The following ZNF521 variants were observed in gnomAD, a reference collection of about 807,000 sequenced individuals.
ZNF521 encodes LYST-interacting protein 3.
In ZNF521, 14 loss-of-function variants were observed where a neutral mutation model predicts 105.5. The ratio of observed to expected loss-of-function variants is 0.13; its 90% CI spans 0.09 to 0.21. ZNF521 has a LOEUF of 0.21. ZNF521 is among the 10% of genes least tolerant of loss of function. The pLI, the probability that ZNF521 is intolerant of heterozygous loss-of-function variation, is 1.00. For missense variants in ZNF521, 1,233 were observed against 1,629.7 expected (o/e 0.76, Z 4.19); for synonymous variants, 635 against 606.0 (o/e 1.05, Z -0.70).
chr18:25,204,542 T>C (rs2036046098), intron 4 of ZNF521, among the ~76,000 whole-genome samples: 1 of 152,174 alleles, frequency 6.6e-6, no homozygotes, highest in Admixed American at 6.5e-5. Context: ...TAAAGAGTCA[T>C]TTTATTTCTA....
chr18:25,332,212 G>A (rs1913613714), intron 2 of ZNF521, among the ~76,000 whole-genome samples: 1 of 151,632 alleles, frequency 6.6e-6, no homozygotes, highest in Non-Finnish European at 1.5e-5. Flanking sequence ...TGTAAGAAAT[G>A]ATCCCACTTA....
rs1910125015 is a variant in ZNF521, at chr18:25,277,700, C to T, written c.220+44308G>A. Among the ~76,000 whole-genome samples the T allele has an allele frequency of 2.6e-5, 4 of 152,130 alleles. No homozygotes were observed. In the South Asian group the frequency reaches 8.3e-4, roughly 32 times the overall value. ...TGGATCAGGTAAGTTAACATCTGCACTATATTTTTATGGGTGAAAAGCACC... is the reference window on the plus strand; with the variant it reads ...TGGATCAGGTAAGTTAACATCTGCATTATATTTTTATGGGTGAAAAGCACC... On this transcript the variant is annotated intron_variant, in intron 3 of 7. Coordinates refer to ENST00000361524, the MANE Select transcript of ZNF521 (RefSeq NM_015461.3).
intron 7 of ZNF521, among the ~76,000 whole-genome samples, chr18:25,078,849 T>C (rs2033425643): frequency 6.6e-6 from 1 of 152,196 alleles, no homozygotes; most frequent in African/African-American, 2.4e-5. Context: ...CATCACCTTC[T>C]GGGCTCCCAG....
chr18:25,307,984 C>T (rs1465309035), intron 3 of ZNF521, among the ~76,000 whole-genome samples: 1 of 151,896 alleles, frequency 6.6e-6, no homozygotes, highest in African/African-American at 2.4e-5. Context: ...GGCGGATCAC[C>T]TGAGGTCAAG....
chr18:25,260,562 A>G (rs1397145339), intron 3 of ZNF521, among the ~76,000 whole-genome samples: 1 of 152,214 alleles, frequency 6.6e-6, no homozygotes, highest in Non-Finnish European at 1.5e-5. Flanking sequence ...AATATGTATT[A>G]TATCTAGCAC....
At chr18:25,271,030 G>A (rs781399362) in intron 3 of ZNF521, among the ~76,000 whole-genome samples, 5 of 152,276 alleles carry the variant, frequency 3.3e-5, no homozygotes, top group East Asian at 3.9e-4. Context: ...AAACCCCATC[G>A]TCTCAGCCCA....
chr18:25,241,873 A>T (rs1351653987), intron 3 of ZNF521, among the ~76,000 whole-genome samples: 1 of 152,110 alleles, frequency 6.6e-6, no homozygotes, highest in South Asian at 2.1e-4. Context: ...CTTTTTTCTT[A>T]TTCTATTCAA....
rs1348290058 is a variant in ZNF521, at chr18:25,273,159, G to A, written c.221-45462C>T. Among the ~76,000 whole-genome samples the A allele has an allele frequency of 2.3e-5, 3 of 131,148 alleles. No homozygotes were observed. In the Admixed American group the frequency reaches 2.7e-4, roughly 12 times the overall value. 86.0% of individuals were successfully genotyped at this position (131,148 alleles called of 152,430 possible). A position where few individuals can be genotyped will look rare whatever the true frequency, so the allele number is the denominator to read the frequency against. On this transcript the variant is annotated intron_variant, in intron 3 of 7. Transcript: ENST00000361524. ...GGAGAATCACTTGAGCCCAGGATACGAAGGTTGCAGTGAGCCGAGATCGCT... is the reference window on the plus strand; with the variant it reads ...GGAGAATCACTTGAGCCCAGGATACAAAGGTTGCAGTGAGCCGAGATCGCT...
intron 3 of ZNF521, among the ~76,000 whole-genome samples, chr18:25,307,008 CTTT>C (rs1311932995): frequency 6.6e-6 from 1 of 152,148 alleles, no homozygotes; most frequent in Non-Finnish European, 1.5e-5. Context: ...AAACCTGCTT[CTTT>C]ATTTTTCCTA....
intron 3 of ZNF521, among the ~76,000 whole-genome samples, chr18:25,272,041 T>C (rs1909695967): frequency 1.3e-5 from 2 of 152,114 alleles, no homozygotes; most frequent in East Asian, 1.9e-4. Context: ...ATCCTGAATC[T>C]ACAAAGAACT....
At chr18:25,317,395 A>G (rs911156689) in intron 3 of ZNF521, among the ~76,000 whole-genome samples, 3 of 152,190 alleles carry the variant, frequency 2.0e-5, no homozygotes, top group Non-Finnish European at 4.4e-5. Flanking sequence ...AGAGCTGAAC[A>G]TAAGAATAAC....
At chr18:25,133,958 G>T (rs2034686192) in intron 5 of ZNF521, among the ~76,000 whole-genome samples, 1 of 152,086 alleles carries the variant, frequency 6.6e-6, no homozygotes, top group Non-Finnish European at 1.5e-5. Context: ...AATTTTAACA[G>T]GAACAGATCC....
At chr18:25,187,800 G>T (rs1196943915) in intron 5 of ZNF521, among the ~76,000 whole-genome samples, 1 of 152,172 alleles carries the variant, frequency 6.6e-6, no homozygotes, top group Admixed American at 6.5e-5. Context: ...AGTAATGGCA[G>T]CTTGAAAATC....
At chr18:25,340,879 A>C (rs1432814071) in intron 2 of ZNF521, among the ~76,000 whole-genome samples, 3 of 152,172 alleles carry the variant, frequency 2.0e-5, no homozygotes, top group Admixed American at 2.0e-4. Flanking sequence ...AAGTATAAAA[A>C]ACAGCTACCT....
At chr18:25,294,122 C>T (rs1911188598) in intron 3 of ZNF521, among the ~76,000 whole-genome samples, 1 of 152,176 alleles carries the variant, frequency 6.6e-6, no homozygotes, top group Non-Finnish European at 1.5e-5. Context: ...CTGGATAATA[C>T]TCTGCAGTGC....
At chr18:25,157,854 T>C (rs1038874795) in intron 5 of ZNF521, among the ~76,000 whole-genome samples, 5 of 152,172 alleles carry the variant, frequency 3.3e-5, no homozygotes, top group African/African-American at 7.2e-5. Context: ...GGGGTTCTAG[T>C]GATTCTCCTG....
chr18:25,209,390 C>A (rs1328430793), intron 4 of ZNF521, among the ~76,000 whole-genome samples: 2 of 152,056 alleles, frequency 1.3e-5, no homozygotes, highest in Non-Finnish European at 2.9e-5. Context: ...GGATTACAGG[C>A]ATGAGCCATG....
At chr18:25,287,500 G>A (rs1194624991) in intron 3 of ZNF521, among the ~76,000 whole-genome samples, 5 of 151,790 alleles carry the variant, frequency 3.3e-5, no homozygotes, top group Admixed American at 1.3e-4. Flanking sequence ...TATTGATCCC[G>A]GTGTGACAAA....
chr18:25,174,264 C>A (rs2035497281), intron 5 of ZNF521, among the ~76,000 whole-genome samples: 2 of 152,152 alleles, frequency 1.3e-5, no homozygotes, highest in African/African-American at 4.8e-5. Context: ...TTTCGAGGAG[C>A]ACTAACTCTG....
Sources: gnomAD v4.1 joint callset for allele counts (sites outside exome capture counted in the v4.1 genomes callset) on GRCh38, gnomAD v4.1.1 for gene constraint, MANE v1.5 for transcripts, NCBI Gene and HGNC (gene_info 2026-07-23, HGNC 2026-07-21) for gene names.